Variants in PTPRQ observed in about 807,000 individuals in gnomAD.
PTPRQ encodes phosphatidylinositol phosphatase PTPRQ.
PTPRQ carries 199 observed loss-of-function variants against 246.0 expected under a neutral mutation model. The ratio of observed to expected loss-of-function variants is 0.81; its 90% confidence interval spans 0.72 to 0.91. The LOEUF (loss-of-function observed/expected upper bound fraction) is 0.91, where lower values mean the gene tolerates loss of function less well. PTPRQ is among the 40% of genes least tolerant of loss of function. The probability of loss-of-function intolerance (pLI) is 0.00; values close to 1 mark genes in which losing one functional copy is unlikely to be tolerated. For synonymous variants in PTPRQ, 869 were observed against 853.2 expected, an observed-to-expected ratio of 1.02 and a Z score of -0.32; for missense variants, 2,624 against 2,528.4, an observed-to-expected ratio of 1.04 and a Z score of -0.81.
At chr12:80,535,482 A>T (rs1368169945) in intron 19 of PTPRQ, among the ~76,000 whole-genome samples, 1 of 152,156 alleles carries the variant, frequency 6.6e-6, no homozygotes, top group African/African-American at 2.4e-5. Flanking sequence ...AATTAAAAAA[A>T]GTTTTTGATA....
intron 17 of PTPRQ, among the ~76,000 whole-genome samples, chr12:80,533,148 A>G (rs1218254624): frequency 6.6e-6 from 1 of 152,166 alleles, no homozygotes; most frequent in Non-Finnish European, 1.5e-5. Flanking sequence ...TAACTTTATT[A>G]TTCCTAAAAT....
At chr12:80,469,205 C>T (rs540334751) in intron 7 of PTPRQ, among the ~76,000 whole-genome samples, 2 of 152,328 alleles carry the variant, frequency 1.3e-5, no homozygotes, top group South Asian at 4.1e-4. Flanking sequence ...TTTCTATTCA[C>T]TGCTAGGAGC....
intron 19 of PTPRQ, among the ~76,000 whole-genome samples, chr12:80,539,248 A>C (rs572401687): frequency 1.3e-5 from 2 of 152,234 alleles, no homozygotes; most frequent in East Asian, 3.9e-4. Context: ...CTTTGCTACA[A>C]CTGTGAGAAG....
chr12:80,477,489 T>C (rs1327404643), intron 8 of PTPRQ, among the ~76,000 whole-genome samples: 1 of 152,206 alleles, frequency 6.6e-6, no homozygotes, highest in African/African-American at 2.4e-5. Context: ...GTTATTCTGC[T>C]CCTTACTTAC....
chr12:80,608,140 A>C (rs1898399633), intron 27 of PTPRQ, among the ~76,000 whole-genome samples: 1 of 150,704 alleles, frequency 6.6e-6, no homozygotes, highest in African/African-American at 2.4e-5. Flanking sequence ...GAGGCGGGGT[A>C]GGAAGAGAAA....
intron 39 of PTPRQ, among the ~76,000 whole-genome samples, chr12:80,664,687 G>A (rs920542956): frequency 6.6e-6 from 1 of 151,622 alleles, no homozygotes; most frequent in East Asian, 1.9e-4. Context: ...TATTTCTTCA[G>A]CACCCTCAAA....
intron 8 of PTPRQ, among the ~76,000 whole-genome samples, chr12:80,477,631 C>A (rs562347303): frequency 6.6e-6 from 1 of 152,240 alleles, no homozygotes; most frequent in Admixed American, 6.5e-5. Context: ...GGGTTCATCT[C>A]ACTAGGGCCA....
At chr12:80,556,201 G>T (rs370514159) in intron 25 of PTPRQ, among the ~76,000 whole-genome samples, 3 of 151,982 alleles carry the variant, frequency 2.0e-5, no homozygotes, top group African/African-American at 7.3e-5. Flanking sequence ...CTAATTTTTC[G>T]TATTTTTAGT....
At chr12:80,583,724 T>C (rs1897520422) in intron 25 of PTPRQ, 1 of 152,230 alleles carries the variant, frequency 6.6e-6, no homozygotes, top group Non-Finnish European at 1.5e-5. Context: ...CTCATAGTTC[T>C]ATAGGTCAGA....
At chr12:80,538,468 A>G (rs572415272) in intron 19 of PTPRQ, among the ~76,000 whole-genome samples, 168 of 152,342 alleles carry the variant, frequency 1.1e-3, no homozygotes, top group African/African-American at 3.9e-3. Context: ...TAATACTTTT[A>G]AGTGGTGCTT....
chr12:80,493,773 T>C (rs1445392896), intron 10 of PTPRQ, among the ~76,000 whole-genome samples: 3 of 152,010 alleles, frequency 2.0e-5, no homozygotes, highest in African/African-American at 7.2e-5. Context: ...TTCAAATCAT[T>C]TACAGGCCTC....
chr12:80,593,290 G>T (rs1020847496), intron 26 of PTPRQ, among the ~76,000 whole-genome samples: 1 of 151,912 alleles, frequency 6.6e-6, no homozygotes, highest in Non-Finnish European at 1.5e-5. Flanking sequence ...AGACCACCTA[G>T]TTTTAATAAT....
chr12:80,547,484 G>T (rs536221091), intron 24 of PTPRQ, among the ~76,000 whole-genome samples: 20 of 152,116 alleles, frequency 1.3e-4, no homozygotes, highest in African/African-American at 4.8e-4. Flanking sequence ...TTTAAATCGA[G>T]ATTGTAGACC....
At chr12:80,528,611 C>T (rs1352973488) in intron 17 of PTPRQ, among the ~76,000 whole-genome samples, 1 of 152,060 alleles carries the variant, frequency 6.6e-6, no homozygotes, top group East Asian at 1.9e-4. Context: ...TGCTAAATCT[C>T]ACTCATCTCA....
At chr12:80,658,911 C>T (rs750504613) in intron 39 of PTPRQ, among the ~76,000 whole-genome samples, 9 of 151,970 alleles carry the variant, frequency 5.9e-5, no homozygotes, top group Admixed American at 1.3e-4. Context: ...TGTTATATGA[C>T]GTTCCACCCT....
intron 8 of PTPRQ, among the ~76,000 whole-genome samples, chr12:80,474,437 G>C (rs999462306): frequency 6.6e-6 from 1 of 152,098 alleles, no homozygotes; most frequent in African/African-American, 2.4e-5. Context: ...TATAGAGAAT[G>C]TTATGTGCTA....
chr12:80,499,967 T>A (rs1894747144), intron 14 of PTPRQ, among the ~76,000 whole-genome samples: 1 of 152,048 alleles, frequency 6.6e-6, no homozygotes, highest in African/African-American at 2.4e-5. Context: ...GACACAACCA[T>A]CTTTACTGTA....
chr12:80,493,353 A>G lies in PTPRQ; in HGVS notation c.1438A>G (p.Met480Val). Residue 480 changes from methionine (M) to valine (V), a missense_variant, in exon 10 of 45, where the codon ATG (methionine) becomes GTG (valine). Physicochemically the swap from Met to Val is conservative, Grantham distance 21. Transcript: ENST00000644991. ...MVGLYEGSAE[M>V]SSDLHSLATF... is the part of the protein sequence containing the mutation. ...AGGATTATATGAGGGTTCAGCAGAG[A>G]TGTCGTCTGACCTTCACTCACTTGC... The G allele has an allele frequency of 4.5e-6, 7 of 1,550,036 alleles. No individual in the cohort carries two copies. Among genetic ancestry groups the G allele is most frequent in the Non-Finnish European group, 6.1e-6 (7 of 1,145,872 alleles).
intron 27 of PTPRQ, among the ~76,000 whole-genome samples, chr12:80,605,699 A>G (rs1162219315): frequency 1.3e-5 from 2 of 151,140 alleles, no homozygotes; most frequent in African/African-American, 4.8e-5. Flanking sequence ...TAAAAAAGTA[A>G]GCCTCATTCA....
Sources: allele counts gnomAD v4.1 joint callset (sites outside exome capture counted in the v4.1 genomes callset), GRCh38; gene constraint gnomAD v4.1.1; transcripts MANE v1.5; gene names NCBI Gene and HGNC (gene_info 2026-07-23, HGNC 2026-07-21).